Variants in CYP2U1 observed in about 807,000 individuals in gnomAD.
CYP2U1 encodes cytochrome P450 family 2 subfamily U member 1, also known as cytochrome P450 2U1.
CYP2U1 carries 28 observed loss-of-function variants against 42.8 expected under a neutral mutation model. The ratio of observed to expected loss-of-function variants is 0.65; its 90% CI spans 0.48 to 0.90. The LOEUF is 0.90. CYP2U1 is among the 40% of genes least tolerant of loss of function. The pLI, the probability that CYP2U1 is intolerant of heterozygous loss-of-function variation, is 0.00. For missense variants in CYP2U1, 642 were observed against 693.8 expected, an observed-to-expected ratio of 0.93 and a Z score of 0.84; for synonymous variants, 296 against 278.9, an observed-to-expected ratio of 1.06 and a Z score of -0.61.
At chr4:107,947,175 C>T (rs1194812737) in intron 2 of CYP2U1, among the ~76,000 whole-genome samples, 5 of 152,152 alleles carry the variant, frequency 3.3e-5, no homozygotes, top group Non-Finnish European at 7.4e-5. Context: ...ACTTCTAAGT[C>T]ACAGAGTGGC....
At chr4:107,937,746 C>T (rs1327267763) in intron 1 of CYP2U1, 1 of 152,138 alleles carries the variant, frequency 6.6e-6, no homozygotes, top group Non-Finnish European at 1.5e-5. Flanking sequence ...ACCTCATGAT[C>T]CGCCCACCTC....
chr4:107,947,556 T>G lies in CYP2U1; in HGVS notation c.1288+19T>G. 6.2e-7 allele frequency: 1 copy of G among 1,613,232 alleles called. No individual in the cohort carries two copies. ...AACACAGGCAAGTCCAGGGTCTTCC[T>G]CTTTGAATGCCCTTGACGGAAGCAG... On this transcript the variant is annotated intron_variant, in intron 3 of 4. Coordinates refer to ENST00000332884, the MANE Select transcript of CYP2U1 (RefSeq NM_183075.3).
chr4:107,934,543 A>G (rs1380718050), intron 1 of CYP2U1, among the ~76,000 whole-genome samples: 1 of 152,144 alleles, frequency 6.6e-6, no homozygotes, highest in Admixed American at 6.5e-5. Context: ...GAGCAGCCAA[A>G]AGTATCTCTT....
In CYP2U1 at chr4:107,953,045, T is replaced by G. The variant is rs1243551570; in HGVS notation, c.*2622T>G. The G allele has an allele frequency of 6.6e-6, 1 of 152,216 alleles. No individual in the cohort carries two copies. Among genetic ancestry groups the G allele is most frequent in the Non-Finnish European group, 1.5e-5 (1 of 68,042 alleles). 9.4% of individuals were successfully genotyped at this position (152,216 alleles called of 1,614,324 possible). The stretch of plus-strand genomic sequence containing the variant: ...ATACAGTGTGGATTACACTGTACCT[T>G]GGGCGGGAGAGTTTGTTCTTGATAT... On this transcript the variant is annotated 3_prime_UTR_variant, in exon 5 of 5. Transcript: ENST00000332884.
rs765717394 is a variant in CYP2U1, at chr4:107,950,443, A to G, written c.*20A>G. On this transcript the variant is annotated 3_prime_UTR_variant, in exon 5 of 5. Transcript: ENST00000332884. Reference sequence around the variant, plus strand: ...AGATGAAGAGCATCTCCAAGAAGAGATGGTAAAAAGATATATAAATACATA... The same window carrying G: ...AGATGAAGAGCATCTCCAAGAAGAGGTGGTAAAAAGATATATAAATACATA... The G allele has an allele frequency of 6.3e-7, 1 of 1,591,386 alleles. No homozygotes were observed.
At position 107,931,693 on chromosome 4, in the gene CYP2U1, C is replaced by T; in HGVS notation, c.50C>T (p.Pro17Leu). ...CCGCCGGCCGAGGACCCGCCCTGGC[C>T]CGCGCGCCTCCTGCGTGCGCCTCTG... ...SQPPAEDPPW[P>L]ARLLRAPLGL... The change falls in exon 1 of 5, where the codon CCC (proline) becomes CTC (leucine). Residue 17 changes from proline to leucine, a missense_variant. Coordinates refer to ENST00000332884, the MANE Select transcript of CYP2U1 (RefSeq NM_183075.3). 7.5e-7 allele frequency: 1 copy of T among 1,339,300 alleles called. No individual in the cohort carries two copies. The highest frequency in any genetic ancestry group is 9.5e-7 in the Non-Finnish European group (1 of 1,054,472). The allele number at this position is 1,339,300 out of a possible 1,614,324, so 83.0% of individuals were successfully genotyped here.
At position 107,932,093 on chromosome 4, in the gene CYP2U1, C is replaced by A. The variant is rs776382381; in HGVS notation, c.450C>A (p.Arg150=). 1.3e-6 allele frequency: 2 copies of A among 1,598,572 alleles called. No individual in the cohort carries two copies. The highest frequency in any genetic ancestry group is 1.7e-6 in the Non-Finnish European group (2 of 1,173,762). ...LVQQAEVFSD[R]PRVPLISIVT... Reference sequence around the variant, plus strand: ...AGCAGGCCGAGGTCTTCAGCGACCGCCCGCGGGTGCCGCTCATCTCCATCG... The same window carrying A: ...AGCAGGCCGAGGTCTTCAGCGACCGACCGCGGGTGCCGCTCATCTCCATCG... The change falls in exon 1 of 5, where the codon CGC becomes CGA. Residue 150 remains arginine (R), a synonymous_variant. Transcript: ENST00000332884.
At chr4:107,947,338 A>G (rs1211786225) in intron 2 of CYP2U1, 38 bp from the exon 3 acceptor site, 3 of 1,603,064 alleles carry the variant, frequency 1.9e-6, no homozygotes, top group Non-Finnish European at 2.6e-6. Flanking sequence ...ACTCTGTCCC[A>G]TGCTTATCTT....
chr4:107,934,639 G>A (rs1298530515), intron 1 of CYP2U1, among the ~76,000 whole-genome samples: 1 of 152,130 alleles, frequency 6.6e-6, no homozygotes, highest in Non-Finnish European at 1.5e-5. Flanking sequence ...TGGCCTGAAG[G>A]ATCTGGCTGC....
chr4:107,933,187 C>T (rs1227383117), intron 1 of CYP2U1, among the ~76,000 whole-genome samples: 2 of 152,192 alleles, frequency 1.3e-5, no homozygotes, highest in South Asian at 2.1e-4. Flanking sequence ...TGCCTCCTAG[C>T]GTAGTGAAAT....
intron 1 of CYP2U1, chr4:107,940,480 T>C (rs1236123455): frequency 6.6e-6 from 1 of 152,204 alleles, no homozygotes; most frequent in Non-Finnish European, 1.5e-5. Context: ...TTAAACTTTA[T>C]TTATAGATCA....
chr4:107,948,261 CA>C (rs35791632), intron 3 of CYP2U1, among the ~76,000 whole-genome samples: 53,884 of 95,256 alleles, frequency 0.57, 12,473 homozygotes, highest in East Asian at 0.69. Flanking sequence ...GCCTCTGTCT[CA>C]AAAAAAAAAA....
At position 107,931,655 on chromosome 4, in the gene CYP2U1, G is replaced by T; in HGVS notation, c.12G>T (p.Pro4=). MSS[P]GPSQPPAEDP... ...CCGGCGCCCGGACCATGTCGTCTCC[G>T]GGGCCGTCGCAGCCGCCGGCCGAGG... The change falls in exon 1 of 5, where the codon CCG becomes CCT. Residue 4 remains proline, a synonymous_variant. Transcript: ENST00000332884. 1 of 1,258,342 alleles carries T rather than the reference G, an allele frequency of 7.9e-7. No individual in the cohort carries two copies. The highest frequency in any genetic ancestry group is 9.9e-7 in the Non-Finnish European group (1 of 1,005,768). The allele number at this position is 1,258,342 out of a possible 1,614,324, so 77.9% of individuals were successfully genotyped here.
chr4:107,951,624 A>T lies in CYP2U1; in HGVS notation c.*1201A>T, dbSNP rs1466078019. 6.6e-6 allele frequency: 1 copy of T among 152,252 alleles called. No individual in the cohort carries two copies. Among genetic ancestry groups the T allele is most frequent in the Non-Finnish European group, 1.5e-5 (1 of 68,098 alleles). The allele number at this position is 152,252 out of a possible 1,614,324, so 9.4% of individuals were successfully genotyped here. ...GGATGCTAAATGTCAAGGTAGTCCT[A>T]TACAGTGAAGAATTGTCCTGCTCAA... On this transcript the variant is annotated 3_prime_UTR_variant, in exon 5 of 5. Transcript: ENST00000332884.
At chr4:107,948,204 G>A (rs535603045) in intron 3 of CYP2U1, among the ~76,000 whole-genome samples, 35 of 146,792 alleles carry the variant, frequency 2.4e-4, no homozygotes, top group Admixed American at 6.9e-4. Context: ...GGAGGTTGCA[G>A]TGAGCTGAGA....
chr4:107,937,440 A>C (rs964212641), intron 1 of CYP2U1: 1 of 152,196 alleles, frequency 6.6e-6, no homozygotes, highest in African/African-American at 2.4e-5. Flanking sequence ...TCCTCTGTTC[A>C]GTAGGTAAAG....
Position 107,950,621 on chromosome 4 carries a change from A to T in CYP2U1, c.*198A>T. On this transcript the variant is annotated 3_prime_UTR_variant, in exon 5 of 5. Coordinates refer to ENST00000332884, the MANE Select transcript of CYP2U1 (RefSeq NM_183075.3). ...GCAGGATACTTCAGCCATTTTAGTA[A>T]TGCAGGTCTGTGATTTGGGGGATAG... is the stretch of plus-strand genomic sequence containing the variant. The T allele has an allele frequency of 2.2e-6, 1 of 463,940 alleles. No individual in the cohort carries two copies. The highest frequency in any genetic ancestry group is 3.7e-6 in the Non-Finnish European group (1 of 271,412). 28.7% of individuals were successfully genotyped at this position (463,940 alleles called of 1,614,324 possible). A position where few individuals can be genotyped will look rare whatever the true frequency, so the allele number is the denominator to read the frequency against.
In CYP2U1 at chr4:107,950,418, A is replaced by T. The variant is rs772136947; in HGVS notation, c.1630A>T (p.Arg544Ter). 4.9e-5 allele frequency: 79 copies of T among 1,602,496 alleles called. No individual in the cohort carries two copies. Among genetic ancestry groups the T allele is most frequent in the Non-Finnish European group, 6.5e-5 (76 of 1,177,236 alleles). The change falls in exon 5 of 5, where the codon AGA becomes TGA. Residue 544 changes from arginine (R) to a stop codon, truncating the protein, a stop_gained. Coordinates refer to ENST00000332884, the MANE Select transcript of CYP2U1 (RefSeq NM_183075.3). LOFTEE classifies it high-confidence loss of function. Reference sequence around the variant, plus strand: ...TCCATTTAATATAACTATTTCAAGGAGATGAAGAGCATCTCCAAGAAGAGA... The same window carrying T: ...TCCATTTAATATAACTATTTCAAGGTGATGAAGAGCATCTCCAAGAAGAGA... Reference protein sequence around the residue: ...PHPFNITISRR With the variant: ...PHPFNITISR
chr4:107,949,422 C>G lies in CYP2U1; in HGVS notation c.1361C>G (p.Ala454Gly), dbSNP rs768478670. The stretch of plus-strand genomic sequence containing the variant: ...CTGTGGTCAGTACATAGAGACCCAG[C>G]CATTTGGGAGAAACCGGAGGATTTC... ...PNLWSVHRDPAIWEKPEDFYP... is the reference protein window; with the variant it reads ...PNLWSVHRDPGIWEKPEDFYP... Residue 454 changes from alanine to glycine, a missense_variant, in exon 4 of 5, where the codon GCC becomes GGC. By Grantham distance (60) the Ala-to-Gly change is moderately conservative. Coordinates refer to ENST00000332884, the MANE Select transcript of CYP2U1 (RefSeq NM_183075.3). 1 of 1,611,272 alleles carries G rather than the reference C, an allele frequency of 6.2e-7. No individual in the cohort carries two copies. The highest frequency in any genetic ancestry group is 1.3e-5 in the African/African-American group (1 of 74,906).
Sources: allele counts gnomAD v4.1 joint callset (sites outside exome capture counted in the v4.1 genomes callset), GRCh38; gene constraint gnomAD v4.1.1; transcripts MANE v1.5; gene names NCBI Gene and HGNC (gene_info 2026-07-23, HGNC 2026-07-21).